HACE1: variants seen among roughly 807,000 people sequenced by gnomAD.
HACE1 encodes E3 ubiquitin-protein ligase HACE1.
A neutral mutation model predicts 118.4 loss-of-function variants in HACE1; 73 were observed. The observed-to-expected ratio is 0.62, with a 90% CI of 0.51 to 0.75. The LOEUF (loss-of-function observed/expected upper bound fraction) is 0.75, where lower values mean the gene tolerates loss of function less well. HACE1 is among the 30% of genes least tolerant of loss of function. The pLI is 0.00. For missense variants in HACE1, 749 were observed against 1,102.2 expected (o/e 0.68, Z 4.54); for synonymous variants, 368 against 374.8 (o/e 0.98, Z 0.21).
intron 19 of HACE1, among the ~76,000 whole-genome samples, chr6:104,761,994 A>G (rs1779410557): frequency 6.6e-6 from 1 of 152,228 alleles, no homozygotes; most frequent in African/African-American, 2.4e-5. Flanking sequence ...CAAAACCACA[A>G]TAAGATACTG....
chr6:104,821,625 C>T (rs1028971280), intron 6 of HACE1, among the ~76,000 whole-genome samples: 1 of 152,114 alleles, frequency 6.6e-6, no homozygotes, highest in African/African-American at 2.4e-5. Context: ...ATTCTCTTCA[C>T]TTTTATAAGC....
intron 8 of HACE1, 40 bp downstream of exon 8, chr6:104,796,889 T>G (rs1305901051): frequency 8.2e-7 from 1 of 1,226,164 alleles, no homozygotes; most frequent in Non-Finnish European, 1.2e-6. Context: ...CAGTTTCTAT[T>G]ATAAAGATAA....
At chr6:104,785,379 AAAAC>A (rs1477178457) in intron 11 of HACE1, 60 bp from the exon 12 acceptor site, 27 of 944,986 alleles carry the variant, frequency 2.9e-5, no homozygotes, top group Admixed American at 4.0e-5. Flanking sequence ...TAAAAAAAAA[AAAAC>A]AAAACACAAC....
intron 1 of HACE1, among the ~76,000 whole-genome samples, chr6:104,852,928 G>T (rs1002850119): frequency 2.0e-5 from 3 of 152,104 alleles, no homozygotes; most frequent in African/African-American, 7.2e-5. Context: ...AAGCTTTTAT[G>T]AAAGAGCACT....
chr6:104,745,455 C>CT (rs370049285), intron 20 of HACE1, among the ~76,000 whole-genome samples: 13 of 132,004 alleles, frequency 9.8e-5, no homozygotes, highest in Middle Eastern at 3.9e-3. Flanking sequence ...TCAGGATTTC[C>CT]TTTTTTTTTG....
intron 7 of HACE1, among the ~76,000 whole-genome samples, chr6:104,809,264 C>T (rs1213374611): frequency 1.3e-5 from 2 of 152,096 alleles, no homozygotes; most frequent in African/African-American, 4.8e-5. Flanking sequence ...AGTAAATAAA[C>T]AACTACAGAA....
At chr6:104,825,184 C>G (rs1358254709) in intron 6 of HACE1, among the ~76,000 whole-genome samples, 3 of 151,940 alleles carry the variant, frequency 2.0e-5, no homozygotes, top group Non-Finnish European at 2.9e-5. Context: ...AGAATAGGGT[C>G]TGCAGTCAGG....
At chr6:104,831,978 G>GAGA (rs1562470932) in intron 6 of HACE1, among the ~76,000 whole-genome samples, 2 of 53,834 alleles carry the variant, frequency 3.7e-5, no homozygotes, top group Admixed American at 1.7e-4. Flanking sequence ...GAGAAGAGAA[G>GAGA]AGAGGAAGGA....
chr6:104,835,421 T>C (rs1284969383), intron 5 of HACE1, among the ~76,000 whole-genome samples: 1 of 152,106 alleles, frequency 6.6e-6, no homozygotes, highest in Non-Finnish European at 1.5e-5. Context: ...GAGAAAAGGA[T>C]ACTATTTTTT....
chr6:104,796,277 ATTTTTGTAAT>A (rs1769614181), intron 9 of HACE1, among the ~76,000 whole-genome samples: 1 of 151,812 alleles, frequency 6.6e-6, no homozygotes, highest in Non-Finnish European at 1.5e-5. Context: ...CACTTAGCTA[ATTTTTGTAAT>A]TTGTTTTTAA....
chr6:104,796,464 G>A (rs1288828571), intron 9 of HACE1, among the ~76,000 whole-genome samples, 191 bp downstream of exon 9: 1 of 151,998 alleles, frequency 6.6e-6, no homozygotes, highest in Non-Finnish European at 1.5e-5. Flanking sequence ...AGATTTATAT[G>A]GCCAAATATT....
At chr6:104,769,281 T>C (rs759903580) in intron 19 of HACE1, among the ~76,000 whole-genome samples, 13 of 152,156 alleles carry the variant, frequency 8.5e-5, no homozygotes, top group Non-Finnish European at 1.8e-4. Flanking sequence ...GCAATCCCCC[T>C]GCCTTAGTCT....
At chr6:104,784,863 TAAAAC>T (rs1008320161) in intron 12 of HACE1, 117 bp downstream of exon 12, 7 of 711,716 alleles carry the variant, frequency 9.8e-6, no homozygotes, top group African/African-American at 3.6e-5. Flanking sequence ...ATGAGTATCT[TAAAAC>T]AAGGAGAAAA....
intron 22 of HACE1, among the ~76,000 whole-genome samples, chr6:104,742,800 T>C (rs1250778973): frequency 6.6e-6 from 1 of 152,020 alleles, no homozygotes; most frequent in Non-Finnish European, 1.5e-5. Flanking sequence ...GACCCAGCCA[T>C]CCCATTACTG....
chr6:104,846,954 A>C (rs1429237686), intron 4 of HACE1, among the ~76,000 whole-genome samples: 1 of 152,222 alleles, frequency 6.6e-6, no homozygotes, highest in African/African-American at 2.4e-5. Flanking sequence ...AATTCTTTTT[A>C]TTCCTTTTCT....
intron 18 of HACE1, 98 bp from the exon 19 acceptor site, chr6:104,771,487 G>A (rs1174695560): frequency 4.1e-6 from 3 of 740,398 alleles, no homozygotes; most frequent in Admixed American, 4.2e-5. Context: ...CTGAAAAACT[G>A]CAAAATATAA....
At chr6:104,858,539 A>C (rs1776977471) in intron 1 of HACE1, 1 of 362,078 alleles carries the variant, frequency 2.8e-6, no homozygotes, top group Non-Finnish European at 5.4e-6. Flanking sequence ...ATCTCTATAA[A>C]AGAAAGGAAA....
At chr6:104,786,511 G>T (rs952671450) in intron 11 of HACE1, 1 of 151,120 alleles carries the variant, frequency 6.6e-6, no homozygotes, top group Non-Finnish European at 1.5e-5. Context: ...GGTTGAAGGG[G>T]GAGGATTGCT....
chr6:104,858,156 G>C (rs1200803724), intron 1 of HACE1, among the ~76,000 whole-genome samples: 1 of 151,802 alleles, frequency 6.6e-6, no homozygotes, highest in East Asian at 1.9e-4. Context: ...TTAAAACCAA[G>C]TAACATTATC....
Sources: gnomAD v4.1 joint callset for allele counts (sites outside exome capture counted in the v4.1 genomes callset) on GRCh38, gnomAD v4.1.1 for gene constraint, MANE v1.5 for transcripts, NCBI Gene and HGNC (gene_info 2026-07-23, HGNC 2026-07-21) for gene names.